The following SCUBE1 variants were observed in gnomAD, a reference collection of about 807,000 sequenced individuals.
SCUBE1 encodes the protein signal peptide, CUB domain and EGF like domain containing 1.
SCUBE1 carries 59 observed loss-of-function variants against 124.4 expected under a neutral mutation model. That is an observed-to-expected ratio of 0.47 (90% CI 0.38 to 0.59). The LOEUF is 0.59. SCUBE1 is among the 20% of genes least tolerant of loss of function. SCUBE1 has a pLI of 0.00. For missense variants in SCUBE1, 1,150 were observed against 1,371.2 expected (o/e 0.84, Z 2.55); for synonymous variants, 545 against 550.9 (o/e 0.99, Z 0.15).
chr22:43,218,570 G>T, intron 14 of SCUBE1, 112 bp from the exon 15 acceptor site: 1 of 1,084,550 alleles, frequency 9.2e-7, no homozygotes, highest in South Asian at 1.4e-5. Flanking sequence ...GACCTCCTCA[G>T]CACATTCTCA....
chr22:43,316,000 G>A (rs969492037), intron 3 of SCUBE1, among the ~76,000 whole-genome samples: 16 of 152,156 alleles, frequency 1.1e-4, no homozygotes, highest in Admixed American at 4.6e-4. Flanking sequence ...AGGCACAGCC[G>A]TGGGAGCGCA....
rs2744876 is a variant in SCUBE1, at chr22:43,339,697, T to A, written c.89-462A>T. On this transcript the variant is annotated intron_variant, in intron 1 of 21. Transcript: ENST00000360835. Reference sequence around the variant, plus strand: ...CCTCACTCTATCCCCCCACAAGCATTGCTCCAACCCTCCCCCACTCTCCTC... The same window carrying A: ...CCTCACTCTATCCCCCCACAAGCATAGCTCCAACCCTCCCCCACTCTCCTC... Among the ~76,000 whole-genome samples the A allele has an allele frequency of 2.8e-3, 177 of 63,230 alleles. 2 individuals carry two copies. The highest frequency in any genetic ancestry group is 8.9e-3 in the African/African-American group (130 of 14,664). The allele number at this position is 63,230 out of a possible 152,430, so 41.5% of individuals were successfully genotyped here. A position where few individuals can be genotyped will look rare whatever the true frequency, so the allele number is the denominator to read the frequency against.
intron 10 of SCUBE1, among the ~76,000 whole-genome samples, chr22:43,225,667 G>T (rs1328368344): frequency 6.6e-6 from 1 of 151,660 alleles, no homozygotes; most frequent in African/African-American, 2.4e-5. Context: ...CTCTCAAAGT[G>T]CTGGGATTAC....
At chr22:43,284,776 G>A (rs1349923993) in intron 4 of SCUBE1, among the ~76,000 whole-genome samples, 2 of 152,118 alleles carry the variant, frequency 1.3e-5, no homozygotes, top group East Asian at 1.9e-4. Flanking sequence ...CGTCGTCGTC[G>A]TCGTCATCAT....
At chr22:43,285,203 C>G (rs1925090188) in intron 4 of SCUBE1, among the ~76,000 whole-genome samples, 1 of 152,132 alleles carries the variant, frequency 6.6e-6, no homozygotes, top group Non-Finnish European at 1.5e-5. Flanking sequence ...CCCTGCCTGG[C>G]CCAACCACAT....
intron 13 of SCUBE1, among the ~76,000 whole-genome samples, 163 bp downstream of exon 13, chr22:43,221,010 C>A (rs1358602212): frequency 6.6e-6 from 1 of 152,188 alleles, no homozygotes. Flanking sequence ...TTTCCCCAGC[C>A]TGCAATGTCC....
intron 3 of SCUBE1, among the ~76,000 whole-genome samples, chr22:43,315,677 A>C (rs889110524): frequency 7.4e-6 from 1 of 134,650 alleles, no homozygotes; most frequent in East Asian, 2.4e-4. Flanking sequence ...AGCAACAGAG[A>C]GAGCCTTTTC....
intron 3 of SCUBE1, among the ~76,000 whole-genome samples, chr22:43,312,271 A>T (rs1283138153): frequency 6.6e-6 from 1 of 152,238 alleles, no homozygotes; most frequent in African/African-American, 2.4e-5. Context: ...AGAAGAGAGG[A>T]CCATGACACA....
intron 12 of SCUBE1, 69 bp from the exon 13 acceptor site, chr22:43,221,358 G>T: frequency 1.2e-6 from 1 of 844,446 alleles, no homozygotes; most frequent in Non-Finnish European, 2.0e-6. Flanking sequence ...GGGGACGGGG[G>T]CTGCCAGGGG....
chr22:43,290,958 G>A (rs183307966), intron 4 of SCUBE1, 88 bp downstream of exon 4: 9 of 1,404,312 alleles, frequency 6.4e-6, no homozygotes, highest in East Asian at 2.5e-5. Flanking sequence ...TGACCTTGAG[G>A]GCCCCAGAAT....
intron 2 of SCUBE1, among the ~76,000 whole-genome samples, chr22:43,337,173 C>A (rs1350271149): frequency 6.6e-6 from 1 of 152,152 alleles, no homozygotes; most frequent in Non-Finnish European, 1.5e-5. Flanking sequence ...GAACATGAAG[C>A]CTACAGAGCC....
intron 12 of SCUBE1, among the ~76,000 whole-genome samples, chr22:43,222,154 C>T (rs527754026): frequency 4.9e-4 from 74 of 152,340 alleles, no homozygotes; most frequent in African/African-American, 1.8e-3. Context: ...GCTGAAGACA[C>T]AACCCTCAGC....
At chr22:43,302,097 G>A (rs1245933225) in intron 3 of SCUBE1, among the ~76,000 whole-genome samples, 3 of 152,246 alleles carry the variant, frequency 2.0e-5, no homozygotes, top group Non-Finnish European at 2.9e-5. Context: ...GCCAGAGAAG[G>A]CTCTCAGAGA....
intron 2 of SCUBE1, among the ~76,000 whole-genome samples, chr22:43,336,743 A>G (rs1349777532): frequency 6.6e-6 from 1 of 152,200 alleles, no homozygotes; most frequent in Non-Finnish European, 1.5e-5. Context: ...GCAGTCTAGC[A>G]TGCATGTGTG....
intron 21 of SCUBE1, among the ~76,000 whole-genome samples, chr22:43,204,490 A>G (rs8137449): frequency 0.038 from 5,736 of 151,488 alleles, 128 homozygotes; most frequent in South Asian, 0.057. Context: ...GTAGAGACGC[A>G]TTTTCACCAT....
chr22:43,272,648 C>T (rs887329802), intron 4 of SCUBE1: 3 of 152,242 alleles, frequency 2.0e-5, no homozygotes, highest in African/African-American at 7.2e-5. Flanking sequence ...AGGGGCCGGA[C>T]CACAGTGAAG....
At chr22:43,208,695 C>G (rs1440182351) in intron 19 of SCUBE1, among the ~76,000 whole-genome samples, 3 of 152,204 alleles carry the variant, frequency 2.0e-5, no homozygotes, top group Non-Finnish European at 2.9e-5. Context: ...AGTCCCTTCT[C>G]CCCGAGAGCA....
chr22:43,228,020 C>T (rs901860068), intron 9 of SCUBE1, among the ~76,000 whole-genome samples: 4 of 152,210 alleles, frequency 2.6e-5, no homozygotes, highest in Non-Finnish European at 4.4e-5. Context: ...GCTGCCTGCA[C>T]TCGGCAGGCC....
intron 4 of SCUBE1, among the ~76,000 whole-genome samples, chr22:43,285,883 G>A (rs1925119766): frequency 6.6e-6 from 1 of 152,238 alleles, no homozygotes; most frequent in South Asian, 2.1e-4. Flanking sequence ...TCAGGTTTTG[G>A]CATGTACTAC....
Sources: allele counts gnomAD v4.1 joint callset (sites outside exome capture counted in the v4.1 genomes callset), GRCh38; gene constraint gnomAD v4.1.1; transcripts MANE v1.5; gene names NCBI Gene and HGNC (gene_info 2026-07-23, HGNC 2026-07-21).